PTPN9: variants seen among roughly 807,000 people sequenced by gnomAD.
PTPN9 encodes the protein protein tyrosine phosphatase non-receptor type 9, also known as tyrosine-protein phosphatase non-receptor type 9.
A neutral mutation model predicts 69.8 loss-of-function variants in PTPN9; 26 were observed. The ratio of observed to expected loss-of-function variants is 0.37; its 90% CI spans 0.27 to 0.52. The LOEUF (loss-of-function observed/expected upper bound fraction) is 0.52. Among genes scored for constraint, PTPN9 ranks in the 20% least tolerant of loss-of-function variants. The pLI, the probability that PTPN9 is intolerant of heterozygous loss-of-function variation, is 0.91. For synonymous variants in PTPN9, 274 were observed against 272.5 expected, an observed-to-expected ratio of 1.01 and a Z score of -0.05; for missense variants, 549 against 740.3, an observed-to-expected ratio of 0.74 and a Z score of 3.00.
chr15:75,518,791 T>C (rs59213855), intron 4 of PTPN9, among the ~76,000 whole-genome samples: 3,660 of 147,000 alleles, frequency 0.025, 160 homozygotes, highest in African/African-American at 0.088. Flanking sequence ...CACTCCAGCC[T>C]GGGCAACAGA....
intron 4 of PTPN9, among the ~76,000 whole-genome samples, chr15:75,520,144 A>T (rs920351860): frequency 6.6e-6 from 1 of 151,944 alleles, no homozygotes; most frequent in East Asian, 1.9e-4. Flanking sequence ...AAAAGAAACA[A>T]AGAAAATGTG....
chr15:75,565,534 A>G (rs2075123073), intron 1 of PTPN9, among the ~76,000 whole-genome samples: 1 of 152,228 alleles, frequency 6.6e-6, no homozygotes, highest in African/African-American at 2.4e-5. Context: ...ACTAGATGCC[A>G]GTACCACCTC....
chr15:75,555,655 C>A (rs1387476400), intron 1 of PTPN9, among the ~76,000 whole-genome samples: 5 of 151,958 alleles, frequency 3.3e-5, no homozygotes, highest in Non-Finnish European at 7.4e-5. Context: ...CAGGCGTGCA[C>A]CACCATGCCC....
intron 9 of PTPN9, among the ~76,000 whole-genome samples, chr15:75,478,875 G>A (rs1000711651): frequency 3.9e-5 from 6 of 152,176 alleles, no homozygotes; most frequent in Non-Finnish European, 7.3e-5. Context: ...AGGGCCTTAC[G>A]CCCATCTGAT....
chr15:75,470,331 AT>A (rs921100371), intron 11 of PTPN9, among the ~76,000 whole-genome samples: 2 of 152,116 alleles, frequency 1.3e-5, no homozygotes, highest in African/African-American at 4.8e-5. Context: ...AATTTGTTCT[AT>A]GTTTTGTAGA....
At chr15:75,514,671 A>ATG (rs536902503) in intron 5 of PTPN9, among the ~76,000 whole-genome samples, 4 of 152,294 alleles carry the variant, frequency 2.6e-5, no homozygotes, top group African/African-American at 9.6e-5. Flanking sequence ...CACACATTAT[A>ATG]TGTGTGTGTG....
chr15:75,510,034 T>A (rs2074838307), intron 5 of PTPN9, among the ~76,000 whole-genome samples: 1 of 152,184 alleles, frequency 6.6e-6, no homozygotes, highest in Admixed American at 6.5e-5. Flanking sequence ...AAAATTTCTC[T>A]TTCATAACTT....
chr15:75,502,917 A>G (rs2074781847), intron 7 of PTPN9, among the ~76,000 whole-genome samples: 1 of 152,230 alleles, frequency 6.6e-6, no homozygotes, highest in South Asian at 2.1e-4. Context: ...ATTTCAGAGC[A>G]TAGGATGTTA....
chr15:75,469,002 G>A lies in PTPN9; in HGVS notation c.1568-19C>T, dbSNP rs986294462. ...AAGGTACCTGAAGAAGGAAGGAAGTGATCACATCTGGTTTACCTCTCTTCT... is the reference window on the plus strand; with the variant it reads ...AAGGTACCTGAAGAAGGAAGGAAGTAATCACATCTGGTTTACCTCTCTTCT... On this transcript the variant is annotated intron_variant, in intron 12 of 12. Coordinates refer to ENST00000618819, the MANE Select transcript of PTPN9 (RefSeq NM_002833.4). The A allele has an allele frequency of 6.3e-7, 1 of 1,588,690 alleles. No homozygotes were observed. Among genetic ancestry groups the A allele is most frequent in the Non-Finnish European group, 8.6e-7 (1 of 1,158,904 alleles).
At chr15:75,473,436 A>G (rs1177249239) in intron 10 of PTPN9, among the ~76,000 whole-genome samples, 1 of 152,084 alleles carries the variant, frequency 6.6e-6, no homozygotes, top group Non-Finnish European at 1.5e-5. Flanking sequence ...TTTTTAATAG[A>G]GAAGGCACCA....
chr15:75,545,101 C>A (rs1034633067), intron 1 of PTPN9, among the ~76,000 whole-genome samples: 1 of 152,148 alleles, frequency 6.6e-6, no homozygotes, highest in Non-Finnish European at 1.5e-5. Context: ...GATGCAGGGG[C>A]CAAGGGTTCT....
At chr15:75,558,518 C>T (rs927137853) in intron 1 of PTPN9, among the ~76,000 whole-genome samples, 1 of 151,856 alleles carries the variant, frequency 6.6e-6, no homozygotes. Flanking sequence ...TCCCTCTCCC[C>T]CTCCCCCTCT....
chr15:75,553,833 GAATT>G (rs772983611), intron 1 of PTPN9, among the ~76,000 whole-genome samples: 278 of 152,064 alleles, frequency 1.8e-3, no homozygotes, highest in Middle Eastern at 0.014. Context: ...CTGGGTAACT[GAATT>G]AATCCTGAGT....
intron 4 of PTPN9, among the ~76,000 whole-genome samples, chr15:75,519,989 G>C (rs903281284): frequency 6.6e-6 from 1 of 152,120 alleles, no homozygotes; most frequent in Non-Finnish European, 1.5e-5. Context: ...AATTGGACGG[G>C]TTTATTAGTA....
At chr15:75,524,165 A>C in intron 3 of PTPN9, 44 bp downstream of exon 3, 1 of 1,150,780 alleles carries the variant, frequency 8.7e-7, no homozygotes, top group South Asian at 1.8e-5. Flanking sequence ...CCAGTTAAAA[A>C]AGGAAGTAAT....
chr15:75,556,036 C>CAAAAAA (rs75583219), intron 1 of PTPN9, among the ~76,000 whole-genome samples: 2 of 43,274 alleles, frequency 4.6e-5, no homozygotes, highest in Admixed American at 2.6e-4. Context: ...ACCCCCGTCT[C>CAAAAAA]AAAAAAAAAA....
intron 8 of PTPN9, among the ~76,000 whole-genome samples, chr15:75,489,230 T>C (rs1475237136): frequency 1.3e-5 from 2 of 150,476 alleles, no homozygotes; most frequent in Admixed American, 6.6e-5. Flanking sequence ...CAGATTTTCC[T>C]GGTTTAGGAT....
At position 75,505,893 on chromosome 15, in the gene PTPN9, G is replaced by C. The variant is rs1333243473; in HGVS notation, c.750C>G (p.Phe250Leu). The C allele has an allele frequency of 6.2e-7, 1 of 1,614,082 alleles. No individual in the cohort carries two copies. ...CTGGGTGGCCGTTCACCTGGGGTAG[G>C]AACTGGAAATTCCAAGTGGCGAGAT... ...KIDLATWNFQ[F>L]LPQVNGHPDP... Residue 250 changes from phenylalanine (F) to leucine (L), a missense_variant, in exon 7 of 13, where the codon TTC becomes TTG. This residue lies in a region of PTPN9 where 457 missense variants were observed against 661.9 expected (regional missense o/e 0.69). Coordinates refer to ENST00000618819, the MANE Select transcript of PTPN9 (RefSeq NM_002833.4).
At chr15:75,481,279 C>T (rs2074632404) in intron 8 of PTPN9, among the ~76,000 whole-genome samples, 1 of 92,742 alleles carries the variant, frequency 1.1e-5, no homozygotes, top group South Asian at 4.3e-4. Context: ...GCCCGGCAGC[C>T]ACCCCATCTG....
Sources: allele counts gnomAD v4.1 joint callset (sites outside exome capture counted in the v4.1 genomes callset), GRCh38; gene constraint gnomAD v4.1.1; regional missense constraint gnomAD v4.1.1; transcripts MANE v1.5; gene names NCBI Gene and HGNC (gene_info 2026-07-23, HGNC 2026-07-21).